Variants in VPS13C observed in about 807,000 individuals in gnomAD.
The protein encoded by VPS13C is vacuolar protein sorting 13 homolog C, also known as intermembrane lipid transfer protein VPS13C.
In VPS13C, 358 loss-of-function variants were observed where a neutral mutation model predicts 456.8. That is an observed-to-expected ratio of 0.78 (90% CI 0.72 to 0.86). The LOEUF (loss-of-function observed/expected upper bound fraction) is 0.86. Among genes scored for constraint, VPS13C ranks in the 40% least tolerant of loss-of-function variants. VPS13C has a pLI of 0.00. For synonymous variants in VPS13C, 1,578 were observed against 1,486.7 expected, an observed-to-expected ratio of 1.06 and a Z score of -1.41; for missense variants, 4,818 against 4,385.4, an observed-to-expected ratio of 1.10 and a Z score of -2.79.
Position 61,984,707 on chromosome 15 carries a change from CAA to C in VPS13C, c.1721+148_1721+149del. 7 of 772,690 alleles carry C rather than the reference CAA, an allele frequency of 9.1e-6. No individual in the cohort carries two copies. In the South Asian group the frequency reaches 1.2e-4, roughly 14 times the overall value. 47.9% of individuals were successfully genotyped at this position (772,690 alleles called of 1,614,324 possible). ...GTACCCACACAGCTCCACAACAAAA[CAA>C]GAGCAAATATAAAAAGGCTATCTTG... On this transcript the variant is annotated intron_variant, in intron 19 of 84. Transcript: ENST00000644861.
intron 20 of VPS13C, among the ~76,000 whole-genome samples, chr15:61,982,915 C>A (rs1214859814): frequency 6.6e-6 from 1 of 152,134 alleles, no homozygotes; most frequent in Non-Finnish European, 1.5e-5. Context: ...GATTCCCTTG[C>A]ACTTTGAAGT....
At chr15:61,854,995 A>T in intron 83 of VPS13C, 41 bp from the exon 84 acceptor site, 2 of 1,537,168 alleles carry the variant, frequency 1.3e-6, no homozygotes, top group Non-Finnish European at 1.8e-6. Context: ...AATTATTCTG[A>T]GGAAGAAAAA....
chr15:61,910,372 A>C (rs1265859962), intron 63 of VPS13C, 67 bp from the exon 64 acceptor site: 2 of 1,224,056 alleles, frequency 1.6e-6, no homozygotes, highest in African/African-American at 3.2e-5. Context: ...GACATTACCT[A>C]ATTAAATTTT....
intron 83 of VPS13C, among the ~76,000 whole-genome samples, chr15:61,855,333 A>G (rs1416784661): frequency 1.3e-5 from 2 of 152,188 alleles, no homozygotes; most frequent in Non-Finnish European, 2.9e-5. Flanking sequence ...GTCAATTCTC[A>G]CCATTGATGT....
rs1235352859 is a variant in VPS13C at position 61,890,390 on chromosome 15, C to A, written c.9116G>T (p.Gly3039Val). Residue 3039 changes from glycine to valine, a missense_variant, in exon 67 of 85, where the codon GGA becomes GTA. This residue lies in a region of VPS13C where 4,552 missense variants were observed against 4,130.6 expected (regional missense o/e 1.10). Coordinates refer to ENST00000644861, the MANE Select transcript of VPS13C (RefSeq NM_020821.3). Reference sequence around the variant, plus strand: ...GATGTTTGCATCATATGGAAACTGTCCACATCCATCCTGGGAAGAAGAAAG... The same window carrying A: ...GATGTTTGCATCATATGGAAACTGTACACATCCATCCTGGGAAGAAGAAAG... ...GEHDLLKDGC[G>V]QFPYDANIQI... 2 of 1,613,538 alleles carry A rather than the reference C, an allele frequency of 1.2e-6. No individual in the cohort carries two copies. The highest frequency in any genetic ancestry group is 1.7e-6 in the Non-Finnish European group (2 of 1,179,766).
At chr15:61,907,067 A>G (rs1461421289) in intron 66 of VPS13C, 197 bp downstream of exon 66, 2 of 600,236 alleles carry the variant, frequency 3.3e-6, no homozygotes, top group African/African-American at 1.9e-5. Flanking sequence ...AATTGTAAAT[A>G]AATTACTTTG....
At chr15:61,998,697 C>G (rs1423136629) in intron 16 of VPS13C, among the ~76,000 whole-genome samples, 1 of 152,196 alleles carries the variant, frequency 6.6e-6, no homozygotes, top group Non-Finnish European at 1.5e-5. Context: ...GCAAGCATAA[C>G]AGACACTCAG....
At chr15:61,957,468 T>C (rs1478907045) in intron 37 of VPS13C, among the ~76,000 whole-genome samples, 1 of 152,096 alleles carries the variant, frequency 6.6e-6, no homozygotes, top group Non-Finnish European at 1.5e-5. Context: ...TACAGTAAAA[T>C]AGTTTTTTAA....
intron 1 of VPS13C, among the ~76,000 whole-genome samples, chr15:62,047,941 T>A (rs1344849626): frequency 1.3e-5 from 2 of 152,096 alleles, no homozygotes; most frequent in Non-Finnish European, 2.9e-5. Context: ...TAAAACAACA[T>A]AATAATTCTA....
chr15:61,921,843 G>A, intron 55 of VPS13C, 104 bp downstream of exon 55: 1 of 1,130,800 alleles, frequency 8.8e-7, no homozygotes, highest in Middle Eastern at 2.1e-4. Flanking sequence ...CCCTTAAAAG[G>A]GCTTCAAGGA....
chr15:61,991,095 C>G lies in VPS13C; in HGVS notation c.1484-1G>C, dbSNP rs746216160. The G allele has an allele frequency of 1.4e-5, 23 of 1,590,184 alleles. No individual in the cohort carries two copies. The South Asian group carries it at 2.5e-4, about 18-fold the overall frequency. ...TCTGGAGTCATAAGGTCATCAATAG[C>G]TATGAAAAAACAACATTTTAAGAAA... On this transcript the variant is annotated splice_acceptor_variant, in intron 17 of 84. Transcript: ENST00000644861. LOFTEE classifies it high-confidence loss of function.
intron 1 of VPS13C, among the ~76,000 whole-genome samples, chr15:62,050,655 A>G (rs2140776299): frequency 6.6e-6 from 1 of 152,256 alleles, no homozygotes; most frequent in South Asian, 2.1e-4. Flanking sequence ...CAAAAAAATT[A>G]GCCAGGCATG....
intron 48 of VPS13C, 70 bp downstream of exon 48, chr15:61,936,527 A>C (rs2044231030): frequency 2.1e-6 from 3 of 1,425,300 alleles, no homozygotes; most frequent in Non-Finnish European, 2.8e-6. Flanking sequence ...GACAGCTAGA[A>C]AAATACTAAA....
intron 66 of VPS13C, among the ~76,000 whole-genome samples, chr15:61,893,144 C>T (rs978259801): frequency 2.6e-5 from 4 of 152,080 alleles, no homozygotes; most frequent in Non-Finnish European, 5.9e-5. Context: ...GATGACCAAA[C>T]GGATTCAATC....
At position 62,018,541 on chromosome 15, in the gene VPS13C, T is replaced by C. The variant is rs562522795; in HGVS notation, c.684+1938A>G. On this transcript the variant is annotated intron_variant, in intron 9 of 84. Coordinates refer to ENST00000644861, the MANE Select transcript of VPS13C (RefSeq NM_020821.3). ...AAGGCCTTTTCTGCATCTATTGAGA[T>C]AATCATGTGGTTTTTGTCTTTGGTT... Among the ~76,000 whole-genome samples the C allele has an allele frequency of 7.1e-4, 107 of 149,982 alleles. No individual in the cohort carries two copies. The East Asian group carries it at 0.014, about 20-fold the overall frequency.
chr15:61,972,091 A>C (rs1377407708), intron 27 of VPS13C, among the ~76,000 whole-genome samples: 4 of 152,194 alleles, frequency 2.6e-5, no homozygotes, highest in Non-Finnish European at 2.9e-5. Flanking sequence ...AAAACATATA[A>C]ATATAACTTC....
chr15:61,938,717 C>T (rs8042267), intron 47 of VPS13C, among the ~76,000 whole-genome samples: 7,955 of 152,124 alleles, frequency 0.052, 363 homozygotes, highest in African/African-American at 0.12. Context: ...GTGAATCTAC[C>T]ACCTGGCTTT....
rs373524570 is a variant in VPS13C, at chr15:61,978,675, G to C, written c.2241C>G (p.Asp747Glu). 2 of 1,612,860 alleles carry C rather than the reference G, an allele frequency of 1.2e-6. No individual in the cohort carries two copies. Among genetic ancestry groups the C allele is most frequent in the Admixed American group, 3.3e-5 (2 of 59,920 alleles). ...CATTTTTTATTTCAACATCAAACTTGTCATATGCCTTATCCATTATTTCTT... is the reference window on the plus strand; with the variant it reads ...CATTTTTTATTTCAACATCAAACTTCTCATATGCCTTATCCATTATTTCTT... ...SLEEIMDKAY[D>E]KFDVEIKNVQ... Residue 747 changes from aspartate (D) to glutamate (E), a missense_variant, in exon 23 of 85, where the codon GAC (aspartate) becomes GAG (glutamate). Asp to Glu is a conservative substitution (Grantham distance 45). This residue lies in a region of VPS13C where 4,552 missense variants were observed against 4,130.6 expected (regional missense o/e 1.10). Coordinates refer to ENST00000644861, the MANE Select transcript of VPS13C (RefSeq NM_020821.3).
intron 3 of VPS13C, among the ~76,000 whole-genome samples, chr15:62,040,085 T>C (rs554328371): frequency 6.6e-6 from 1 of 152,308 alleles, no homozygotes; most frequent in South Asian, 2.1e-4. Flanking sequence ...GGGGTCATTA[T>C]GTTAAGTGAA....
Sources: gnomAD v4.1 joint callset for allele counts (sites outside exome capture counted in the v4.1 genomes callset) on GRCh38, gnomAD v4.1.1 for gene constraint, gnomAD v4.1.1 regional missense constraint, MANE v1.5 for transcripts, NCBI Gene and HGNC (gene_info 2026-07-23, HGNC 2026-07-21) for gene names.